Variants in EVI5 observed in about 807,000 individuals in gnomAD.
EVI5 encodes the protein ecotropic viral integration site 5.
EVI5 carries 73 observed loss-of-function variants against 112.0 expected under a neutral mutation model. The ratio of observed to expected loss-of-function variants is 0.65; its 90% CI spans 0.54 to 0.79. The LOEUF (loss-of-function observed/expected upper bound fraction) is 0.79. Ranked by LOEUF, EVI5 falls within the 30% of genes least tolerant of loss-of-function variation. EVI5 has a pLI of 0.00. For synonymous variants in EVI5, 305 were observed against 319.9 expected (o/e 0.95, Z 0.50); for missense variants, 900 against 968.8 (o/e 0.93, Z 0.94).
intron 18 of EVI5, among the ~76,000 whole-genome samples, chr1:92,572,559 C>T (rs1031678616): frequency 2.6e-5 from 4 of 152,030 alleles, no homozygotes; most frequent in African/African-American, 7.2e-5. Context: ...GAGTAGGCTC[C>T]GTTAGTTTAT....
At chr1:92,594,635 C>A (rs1647229943) in intron 18 of EVI5, among the ~76,000 whole-genome samples, 1 of 151,494 alleles carries the variant, frequency 6.6e-6, no homozygotes, top group South Asian at 2.1e-4. Context: ...AGGCAGCCTA[C>A]AGAATGGGAG....
chr1:92,781,036 G>T (rs1684794987), intron 1 of EVI5, among the ~76,000 whole-genome samples: 1 of 151,764 alleles, frequency 6.6e-6, no homozygotes. Context: ...ATTTTTAGTA[G>T]AGACAGGGTT....
Position 92,513,916 on chromosome 1 carries a change from T to C in EVI5, c.2221A>G (p.Ile741Val), listed in dbSNP as rs772081750. The change falls in exon 20 of 20, where the codon ATC (isoleucine) becomes GTC (valine). Residue 741 changes from isoleucine to valine, a missense_variant. Ile to Val is a conservative substitution (Grantham distance 29, BLOSUM62 3). Coordinates refer to ENST00000684568, the MANE Select transcript of EVI5 (RefSeq NM_001350197.2). ...CCTATTAAATGGTTGACAATGTGGA[T>C]TCCATCAAAAGGAGGTTGGCCTGAG... ...GFSGQPPFDG[I>V]HIVNHLIGDD... 2 of 1,601,380 alleles carry C rather than the reference T, an allele frequency of 1.2e-6. No individual in the cohort carries two copies. Among genetic ancestry groups the C allele is most frequent in the African/African-American group, 2.7e-5 (2 of 74,680 alleles).
intron 10 of EVI5, among the ~76,000 whole-genome samples, chr1:92,676,221 A>C (rs1572237900): frequency 1.3e-5 from 2 of 152,222 alleles, no homozygotes; most frequent in South Asian, 4.1e-4. Context: ...GCTTTTGAGG[A>C]GGACCAAGGC....
At chr1:92,765,325 G>C (rs1682460910) in intron 1 of EVI5, among the ~76,000 whole-genome samples, 1 of 149,132 alleles carries the variant, frequency 6.7e-6, no homozygotes, top group South Asian at 2.1e-4. Context: ...AAAGTGCTGG[G>C]ATTATGGGCG....
chr1:92,651,058 C>T (rs1275438313), intron 13 of EVI5, among the ~76,000 whole-genome samples: 1 of 152,170 alleles, frequency 6.6e-6, no homozygotes, highest in African/African-American at 2.4e-5. Context: ...CACCTTATTA[C>T]CACCTGAAAT....
chr1:92,637,582 T>G (rs1237032513), intron 13 of EVI5, among the ~76,000 whole-genome samples: 1 of 152,182 alleles, frequency 6.6e-6, no homozygotes, highest in Non-Finnish European at 1.5e-5. Flanking sequence ...AAAAGCAATA[T>G]GTAATTCATC....
chr1:92,678,468 T>C (rs991230893), intron 9 of EVI5, among the ~76,000 whole-genome samples: 1 of 152,142 alleles, frequency 6.6e-6, no homozygotes, highest in Non-Finnish European at 1.5e-5. Context: ...AAAGTCAAGG[T>C]TGCAGTGAGC....
Position 92,693,846 on chromosome 1 carries a change from G to GT in EVI5, c.1052_1053insA (p.Gln352ProfsTer17). On this transcript the variant is annotated frameshift_variant, in exon 9 of 20. Coordinates refer to ENST00000684568, the MANE Select transcript of EVI5 (RefSeq NM_001350197.2). LOFTEE classifies it high-confidence loss of function. The stretch of plus-strand genomic sequence containing the variant: ...TGTATTTGACTTGGTAAGCTGCTTG[G>GT]ATTAGCTTGTCTGGGACACCATCAA... The GT allele has an allele frequency of 6.2e-7, 1 of 1,606,830 alleles. No homozygotes were observed. The highest frequency in any genetic ancestry group is 8.5e-7 in the Non-Finnish European group (1 of 1,174,224).
chr1:92,708,981 T>C lies in EVI5; in HGVS notation c.150-4237A>G, dbSNP rs142338501. 4.4e-3 allele frequency among the ~76,000 whole-genome samples: 675 copies of C among 152,308 alleles called. 3 individuals carry two copies. Among genetic ancestry groups the C allele is most frequent in the African/African-American group, 0.016 (647 of 41,568 alleles). ...CAGGAAAACATAGACTGCTAATGTGTGTGCAGTTTCTTTTTGGAGTGATGA... is the reference window on the plus strand; with the variant it reads ...CAGGAAAACATAGACTGCTAATGTGCGTGCAGTTTCTTTTTGGAGTGATGA... On this transcript the variant is annotated intron_variant, in intron 2 of 19. Transcript: ENST00000684568.
chr1:92,544,349 G>A (rs952683001), intron 19 of EVI5, among the ~76,000 whole-genome samples: 1 of 152,148 alleles, frequency 6.6e-6, no homozygotes, highest in Admixed American at 6.5e-5. Flanking sequence ...TAATGTCTCA[G>A]TAAAGCTGTT....
chr1:92,548,025 C>A (rs1171824348), intron 19 of EVI5, among the ~76,000 whole-genome samples: 1 of 152,132 alleles, frequency 6.6e-6, no homozygotes, highest in African/African-American at 2.4e-5. Flanking sequence ...GATACCAAAG[C>A]CTGGCAGAGA....
chr1:92,791,768 G>A (rs953851227), intron 1 of EVI5, among the ~76,000 whole-genome samples: 3 of 151,934 alleles, frequency 2.0e-5, no homozygotes, highest in Non-Finnish European at 4.4e-5. Context: ...AAAAGGATGA[G>A]GTGAGGAAAC....
At chr1:92,616,896 A>G (rs1653312182) in intron 16 of EVI5, among the ~76,000 whole-genome samples, 1 of 152,188 alleles carries the variant, frequency 6.6e-6, no homozygotes, top group Admixed American at 6.5e-5. Flanking sequence ...GCACTCCATC[A>G]TCAAATGGAA....
At chr1:92,553,583 G>C (rs1052893668) in intron 19 of EVI5, among the ~76,000 whole-genome samples, 1 of 152,066 alleles carries the variant, frequency 6.6e-6, no homozygotes, top group Non-Finnish European at 1.5e-5. Flanking sequence ...TTACAGGCGT[G>C]AGCCACCGTG....
chr1:92,664,476 C>A (rs1311217303), intron 11 of EVI5, among the ~76,000 whole-genome samples: 7 of 98,238 alleles, frequency 7.1e-5, no homozygotes, highest in African/African-American at 2.4e-4. Context: ...ATGTCTTACT[C>A]CAAAGATTTA....
chr1:92,535,432 C>T (rs1663702752), intron 19 of EVI5, among the ~76,000 whole-genome samples: 1 of 152,162 alleles, frequency 6.6e-6, no homozygotes, highest in Non-Finnish European at 1.5e-5. Flanking sequence ...GATTATAAAT[C>T]ATTCTACTAT....
At chr1:92,667,378 G>T (rs900631688) in intron 10 of EVI5, among the ~76,000 whole-genome samples, 1 of 152,004 alleles carries the variant, frequency 6.6e-6, no homozygotes, top group South Asian at 2.1e-4. Flanking sequence ...AAAATACAAA[G>T]AATTTATTAA....
At chr1:92,527,414 C>CAAAAAAAA (rs763348201) in intron 19 of EVI5, among the ~76,000 whole-genome samples, 13 of 18,122 alleles carry the variant, frequency 7.2e-4, no homozygotes, top group Non-Finnish European at 1.1e-3. Context: ...GACACTGTCT[C>CAAAAAAAA]AAAAAAAAAA....
Sources: gnomAD v4.1 joint callset for allele counts (sites outside exome capture counted in the v4.1 genomes callset) on GRCh38, gnomAD v4.1.1 for gene constraint, MANE v1.5 for transcripts, NCBI Gene and HGNC (gene_info 2026-07-23, HGNC 2026-07-21) for gene names.